SYNPR: variants seen among roughly 807,000 people sequenced by gnomAD.
SYNPR encodes the protein synaptoporin.
In SYNPR, 23 loss-of-function variants were observed where a neutral mutation model predicts 32.9. The observed-to-expected ratio is 0.70, with a 90% CI of 0.50 to 0.99. SYNPR has a LOEUF of 0.99. Ranked by LOEUF, SYNPR falls within the 50% of genes least tolerant of loss-of-function variation. SYNPR has a pLI of 0.00. For synonymous variants in SYNPR, 146 were observed against 135.9 expected (o/e 1.07, Z -0.52); for missense variants, 318 against 349.3 (o/e 0.91, Z 0.71).
rs1179596394 is a variant in SYNPR at position 63,313,680 on chromosome 3, C to CATATATATCCATAT, written c.84+35001_84+35014dup. The stretch of plus-strand genomic sequence containing the variant: ...AAAGGAATTAACAGAAATTAATACA[C>CATATATATCCATAT]ATATATATCCATATATATATATCCA... On this transcript the variant is annotated intron_variant, in intron 2 of 5. Coordinates refer to ENST00000478300, the MANE Select transcript of SYNPR (RefSeq NM_001130003.2). Among the ~76,000 whole-genome samples the CATATATATCCATAT allele has an allele frequency of 1.5e-3, 93 of 62,900 alleles. 10 individuals are homozygous for CATATATATCCATAT. Among genetic ancestry groups the CATATATATCCATAT allele is most frequent in the Non-Finnish European group, 2.4e-3 (72 of 30,350 alleles). 41.3% of individuals were successfully genotyped at this position (62,900 alleles called of 152,430 possible). A position where few individuals can be genotyped will look rare whatever the true frequency, so the allele number is the denominator to read the frequency against.
chr3:63,480,826 C>G lies in SYNPR; in HGVS notation c.85-6C>G, dbSNP rs1016856523. The G allele has an allele frequency of 1.2e-6, 2 of 1,612,722 alleles. No homozygotes were observed. The highest frequency in any genetic ancestry group is 1.3e-5 in the African/African-American group (1 of 74,916). ...TGCCTTCTATTTGTTTAATTGTTCT[C>G]CACAGCTTTTTGCAATCTTTGCATT... On this transcript the variant is annotated splice_region_variant and splice_polypyrimidine_tract_variant and intron_variant, in intron 2 of 5. Transcript: ENST00000478300.
intron 4 of SYNPR, among the ~76,000 whole-genome samples, chr3:63,599,672 T>C (rs1700009624): frequency 6.6e-6 from 1 of 152,232 alleles, no homozygotes; most frequent in African/African-American, 2.4e-5. Flanking sequence ...ATTTCATTAA[T>C]ACTCCTCTAA....
rs548221820 is a variant in SYNPR at position 63,521,915 on chromosome 3, C to T, written c.210-34628C>T. Among the ~76,000 whole-genome samples the T allele has an allele frequency of 2.4e-4, 36 of 152,232 alleles. No individual in the cohort carries two copies. The South Asian group carries it at 6.6e-3, about 28-fold the overall frequency. Reference sequence around the variant, plus strand: ...CCCCAAGCCCTCCTGCCAGTGCTTCCGACTGGCCAAAGGCAACCAGAAACC... The same window carrying T: ...CCCCAAGCCCTCCTGCCAGTGCTTCTGACTGGCCAAAGGCAACCAGAAACC... On this transcript the variant is annotated intron_variant, in intron 3 of 5. Transcript: ENST00000478300.
At chr3:63,356,864 G>C (rs905446320) in intron 2 of SYNPR, among the ~76,000 whole-genome samples, 2 of 152,206 alleles carry the variant, frequency 1.3e-5, no homozygotes, top group African/African-American at 4.8e-5. Flanking sequence ...CAATATATGT[G>C]AGCAAATCTG....
chr3:63,595,633 A>G (rs1699919887), intron 4 of SYNPR, among the ~76,000 whole-genome samples: 1 of 145,474 alleles, frequency 6.9e-6, no homozygotes. Flanking sequence ...TTGTAAAGTA[A>G]AAGAAATGGT....
intron 2 of SYNPR, among the ~76,000 whole-genome samples, chr3:63,257,169 C>A (rs2086391900): frequency 6.6e-6 from 1 of 152,114 alleles, no homozygotes; most frequent in Non-Finnish European, 1.5e-5. Flanking sequence ...GGAGAACTTC[C>A]CCAGTCTAGC....
intron 2 of SYNPR, among the ~76,000 whole-genome samples, chr3:63,325,353 T>A (rs989917602): frequency 6.6e-6 from 1 of 152,138 alleles, no homozygotes; most frequent in Admixed American, 6.5e-5. Flanking sequence ...GTTTCTTTAA[T>A]AAAATAATTT....
intron 2 of SYNPR, among the ~76,000 whole-genome samples, chr3:63,373,668 T>C (rs1376617384): frequency 6.6e-6 from 1 of 152,166 alleles, no homozygotes; most frequent in African/African-American, 2.4e-5. Flanking sequence ...TCAGGATATC[T>C]ATGAAAACTT....
intron 3 of SYNPR, among the ~76,000 whole-genome samples, chr3:63,270,288 T>A (rs191896321): frequency 1.9e-3 from 282 of 152,304 alleles, no homozygotes; most frequent in South Asian, 2.5e-3. Flanking sequence ...GTGGCTGCTC[T>A]TGCTCCCCAG....
intron 2 of SYNPR, among the ~76,000 whole-genome samples, chr3:63,256,904 G>C (rs868271306): frequency 2.0e-5 from 3 of 152,146 alleles, no homozygotes; most frequent in Non-Finnish European, 2.9e-5. Context: ...ACCACGGCAC[G>C]AGAACTACGT....
At chr3:63,589,084 A>G (rs762719065) in intron 4 of SYNPR, among the ~76,000 whole-genome samples, 6 of 151,728 alleles carry the variant, frequency 4.0e-5, no homozygotes. Flanking sequence ...AGAGTCCAAC[A>G]CTCCCTCTAG....
At chr3:63,501,389 G>T (rs1701475635) in intron 3 of SYNPR, among the ~76,000 whole-genome samples, 1 of 151,666 alleles carries the variant, frequency 6.6e-6, no homozygotes, top group South Asian at 2.1e-4. Context: ...TGAGATGGGA[G>T]GATCACTTGC....
intron 3 of SYNPR, among the ~76,000 whole-genome samples, chr3:63,504,540 A>G (rs1291873998): frequency 6.6e-6 from 1 of 152,132 alleles, no homozygotes; most frequent in Non-Finnish European, 1.5e-5. Flanking sequence ...TTCGAGTGCA[A>G]TGTGTATTAC....
intron 4 of SYNPR, among the ~76,000 whole-genome samples, chr3:63,579,214 A>G (rs1190298883): frequency 1.3e-5 from 2 of 152,140 alleles, no homozygotes; most frequent in South Asian, 2.1e-4. Context: ...TTAGGCAAAT[A>G]AATTAAGGTC....
chr3:63,310,546 TC>T (rs1426509952), intron 2 of SYNPR, among the ~76,000 whole-genome samples: 1 of 152,098 alleles, frequency 6.6e-6, no homozygotes, highest in Non-Finnish European at 1.5e-5. Context: ...TCATATAGAT[TC>T]TTGCTGATGT....
chr3:63,417,145 G>T (rs151268450), intron 2 of SYNPR, among the ~76,000 whole-genome samples: 1,893 of 152,338 alleles, frequency 0.012, 49 homozygotes, highest in African/African-American at 0.042. Flanking sequence ...TACAGTGGGG[G>T]TACAGGCATT....
At chr3:63,422,667 A>T (rs1286582347) in intron 2 of SYNPR, among the ~76,000 whole-genome samples, 1 of 152,236 alleles carries the variant, frequency 6.6e-6, no homozygotes, top group Non-Finnish European at 1.5e-5. Flanking sequence ...AGTACCAAGT[A>T]TAAGCAATGA....
At chr3:63,483,562 T>C (rs979219705) in intron 3 of SYNPR, among the ~76,000 whole-genome samples, 4 of 152,166 alleles carry the variant, frequency 2.6e-5, no homozygotes, top group African/African-American at 9.6e-5. Context: ...TCTACATACT[T>C]GAGTATTATT....
chr3:63,606,351 C>G (rs1407491170), intron 4 of SYNPR, among the ~76,000 whole-genome samples: 1 of 147,626 alleles, frequency 6.8e-6, no homozygotes, highest in Non-Finnish European at 1.5e-5. Context: ...CAATCAGAAG[C>G]TTGTTTATGG....
Sources: gnomAD v4.1 joint callset for allele counts (sites outside exome capture counted in the v4.1 genomes callset) on GRCh38, gnomAD v4.1.1 for gene constraint, MANE v1.5 for transcripts, NCBI Gene and HGNC (gene_info 2026-07-23, HGNC 2026-07-21) for gene names.